The following MED12L variants were observed in gnomAD, a reference collection of about 807,000 sequenced individuals.
MED12L encodes mediator of RNA polymerase II transcription subunit 12-like protein.
Under a neutral mutation model 281.3 loss-of-function variants are expected in MED12L, and 60 were observed. The ratio of observed to expected loss-of-function variants is 0.21; its 90% CI spans 0.17 to 0.26. The LOEUF (loss-of-function observed/expected upper bound fraction) is 0.26. Among genes scored for constraint, MED12L ranks in the 10% least tolerant of loss-of-function variants. The pLI is 1.00. For missense variants in MED12L, 2,146 were observed against 2,680.9 expected, an observed-to-expected ratio of 0.80 and a Z score of 4.41; for synonymous variants, 974 against 987.2, an observed-to-expected ratio of 0.99 and a Z score of 0.25.
At chr3:151,254,085 A>G (rs897488404) in intron 16 of MED12L, among the ~76,000 whole-genome samples, 13 of 151,226 alleles carry the variant, frequency 8.6e-5, no homozygotes, top group Admixed American at 1.3e-4. Flanking sequence ...AAAAACATAT[A>G]ATGAAAAAAA....
intron 2 of MED12L, among the ~76,000 whole-genome samples, chr3:151,097,466 T>A (rs1477353120): frequency 6.6e-6 from 1 of 152,222 alleles, no homozygotes; most frequent in East Asian, 1.9e-4. Flanking sequence ...AGACTTGTAT[T>A]TCCTACTGTG....
At chr3:151,380,063 T>C (rs1298551854) in intron 31 of MED12L, 50 bp from the exon 32 acceptor site, 4 of 1,134,190 alleles carry the variant, frequency 3.5e-6, no homozygotes, top group Non-Finnish European at 5.1e-6. Flanking sequence ...CCAGAGGAAG[T>C]AATGCATTAT....
chr3:151,163,803 A>G, intron 8 of MED12L, 90 bp from the exon 9 acceptor site: 1 of 1,301,200 alleles, frequency 7.7e-7, no homozygotes, highest in South Asian at 1.4e-5. Flanking sequence ...ACAATAATAC[A>G]GTGATGACAG....
At chr3:151,362,254 G>A (rs929647164) in intron 21 of MED12L, among the ~76,000 whole-genome samples, 2 of 151,844 alleles carry the variant, frequency 1.3e-5, no homozygotes, top group Non-Finnish European at 2.9e-5. Flanking sequence ...TTTAATATAC[G>A]AATGATTCAC....
At chr3:151,095,194 A>C (rs1166281139) in intron 2 of MED12L, among the ~76,000 whole-genome samples, 1 of 152,226 alleles carries the variant, frequency 6.6e-6, no homozygotes, top group Non-Finnish European at 1.5e-5. Context: ...GAGCAGGTTT[A>C]TACCAGCTGA....
intron 16 of MED12L, among the ~76,000 whole-genome samples, chr3:151,334,021 G>C (rs375047222): frequency 2.0e-5 from 3 of 151,988 alleles, no homozygotes; most frequent in South Asian, 2.1e-4. Context: ...AGGTTGCAGT[G>C]AGCTGACATC....
At chr3:151,262,273 C>G (rs1404096129) in intron 16 of MED12L, among the ~76,000 whole-genome samples, 1 of 152,212 alleles carries the variant, frequency 6.6e-6, no homozygotes, top group Non-Finnish European at 1.5e-5. Context: ...TTTTAAGTCA[C>G]ACTAGTGATA....
At chr3:151,326,218 T>C (rs780778811) in intron 16 of MED12L, 8 of 152,560 alleles carry the variant, frequency 5.2e-5, no homozygotes, top group Non-Finnish European at 1.2e-4. Context: ...GAGCTTTCAT[T>C]TCAAGAAATT....
chr3:151,300,798 T>A (rs1745808853), intron 16 of MED12L, among the ~76,000 whole-genome samples: 1 of 152,186 alleles, frequency 6.6e-6, no homozygotes, highest in Non-Finnish European at 1.5e-5. Context: ...CCTGCATATG[T>A]GCTGAGATAG....
intron 16 of MED12L, among the ~76,000 whole-genome samples, chr3:151,279,354 C>T (rs1052262276): frequency 3.3e-5 from 5 of 152,176 alleles, no homozygotes; most frequent in African/African-American, 1.2e-4. Flanking sequence ...ATTCTAGTTG[C>T]TTTATATGTA....
At chr3:151,352,704 T>G (rs1753387669) in intron 17 of MED12L, among the ~76,000 whole-genome samples, 1 of 152,200 alleles carries the variant, frequency 6.6e-6, no homozygotes, top group Non-Finnish European at 1.5e-5. Flanking sequence ...AGTATAAAGT[T>G]TAAATAACAT....
At chr3:151,253,741 G>A (rs986290466) in intron 16 of MED12L, among the ~76,000 whole-genome samples, 25 of 152,100 alleles carry the variant, frequency 1.6e-4, no homozygotes, top group Non-Finnish European at 3.2e-4. Flanking sequence ...GGGTGGGGCA[G>A]GTGACTTTTT....
At chr3:151,239,100 A>G (rs1285169481) in intron 16 of MED12L, among the ~76,000 whole-genome samples, 1 of 152,240 alleles carries the variant, frequency 6.6e-6, no homozygotes, top group African/African-American at 2.4e-5. Context: ...GAGGAGGGGC[A>G]ATATTAATTA....
intron 16 of MED12L, among the ~76,000 whole-genome samples, chr3:151,324,394 G>A (rs1749342957): frequency 6.6e-6 from 1 of 152,140 alleles, no homozygotes; most frequent in African/African-American, 2.4e-5. Context: ...TTTTTGTGGG[G>A]TCAGGGAGCA....
At chr3:151,336,966 T>A (rs1448047551) in intron 16 of MED12L, 1 of 125,662 alleles carries the variant, frequency 8.0e-6, no homozygotes, top group Non-Finnish European at 1.7e-5. Context: ...CATATTTAAT[T>A]AATTTTTTTC....
At chr3:151,359,402 G>A (rs561063060) in intron 20 of MED12L, among the ~76,000 whole-genome samples, 42 of 152,230 alleles carry the variant, frequency 2.8e-4, no homozygotes, top group Middle Eastern at 3.4e-3. Flanking sequence ...ATCTGTTGAT[G>A]TCATTTCACA....
chr3:151,260,146 G>C (rs1404203863), intron 16 of MED12L, among the ~76,000 whole-genome samples: 1 of 152,178 alleles, frequency 6.6e-6, no homozygotes, highest in Non-Finnish European at 1.5e-5. Flanking sequence ...TGTTTCAGTT[G>C]TGGAAAGAAT....
At chr3:151,366,221 A>C (rs1438247108) in intron 23 of MED12L, among the ~76,000 whole-genome samples, 5 of 152,252 alleles carry the variant, frequency 3.3e-5, no homozygotes, top group Non-Finnish European at 5.9e-5. Context: ...AGAGGGGCCA[A>C]GAATTTCTTT....
At chr3:151,240,602 AGTT>A (rs2149377210) in intron 16 of MED12L, among the ~76,000 whole-genome samples, 1 of 152,156 alleles carries the variant, frequency 6.6e-6, no homozygotes, top group African/African-American at 2.4e-5. Context: ...ATTCAAATCT[AGTT>A]GTTTATCTTT....
Sources: allele counts gnomAD v4.1 joint callset (sites outside exome capture counted in the v4.1 genomes callset), GRCh38; gene constraint gnomAD v4.1.1; transcripts MANE v1.5; gene names NCBI Gene and HGNC (gene_info 2026-07-23, HGNC 2026-07-21).